Variants in SLC22A4 observed in about 807,000 individuals in gnomAD.
SLC22A4 encodes solute carrier family 22 member 4, also known as ET transporter.
SLC22A4 carries 39 observed loss-of-function variants against 56.6 expected under a neutral mutation model. That is an observed-to-expected ratio of 0.69 (90% confidence interval 0.53 to 0.90). SLC22A4 has a LOEUF of 0.90. Among genes scored for constraint, SLC22A4 ranks in the 40% least tolerant of loss-of-function variants. The pLI is 0.00. For missense variants in SLC22A4, 594 were observed against 696.5 expected (o/e 0.85, Z 1.66); for synonymous variants, 241 against 281.4 (o/e 0.86, Z 1.44).
At chr5:132,334,153 T>C (rs561201073) in intron 6 of SLC22A4, among the ~76,000 whole-genome samples, 1 of 152,202 alleles carries the variant, frequency 6.6e-6, no homozygotes, top group South Asian at 2.1e-4. Context: ...TGACAGAATA[T>C]ACAGACTGCA....
At chr5:132,327,174 ACTAG>A in intron 4 of SLC22A4, 99 bp from the exon 5 acceptor site, 1 of 948,656 alleles carries the variant, frequency 1.1e-6, no homozygotes. Flanking sequence ...AAAAAGACAA[ACTAG>A]AATTTTACAA....
At chr5:132,322,488 G>T in intron 4 of SLC22A4, 133 bp downstream of exon 4, 1 of 862,478 alleles carries the variant, frequency 1.2e-6, no homozygotes, top group East Asian at 2.6e-5. Flanking sequence ...CTTCCAAGCC[G>T]GGAGAGTTTT....
intron 1 of SLC22A4, chr5:132,311,809 T>C: frequency 2.6e-6 from 1 of 380,978 alleles, no homozygotes; most frequent in Middle Eastern, 8.1e-4. Flanking sequence ...GAAGATGCAG[T>C]GCCACCTTTA....
rs1046088163 is a variant in SLC22A4 at position 132,327,541 on chromosome 5, A to C, written c.951+138A>C. ...GGCCTTAGGAACACAATCATGATTA[A>C]ATTCTAAGATAAAATCCACCTTAAA... On this transcript the variant is annotated intron_variant, in intron 5 of 9. Coordinates refer to ENST00000200652, the MANE Select transcript of SLC22A4 (RefSeq NM_003059.3). The C allele has an allele frequency of 2.5e-5, 17 of 686,218 alleles. No homozygotes were observed. The Admixed American group carries it at 4.0e-4, about 16-fold the overall frequency. The allele number at this position is 686,218 out of a possible 1,614,324, so 42.5% of individuals were successfully genotyped here. A position where few individuals can be genotyped will look rare whatever the true frequency, so the allele number is the denominator to read the frequency against.
At position 132,294,513 on chromosome 5, in the gene SLC22A4, C is replaced by T. The variant is rs2126694028; in HGVS notation, c.-104C>T. On this transcript the variant is annotated 5_prime_UTR_variant, in exon 1 of 10. Coordinates refer to ENST00000200652, the MANE Select transcript of SLC22A4 (RefSeq NM_003059.3). This position sits in a 1 kb window ranked among gnomAD's most constrained non-coding sequence, Gnocchi z 5.6. ...AATTTCTAACAGCCTGCCTGTCCCC[C>T]GGGAACGTTCTAACATCCTTGGGGA... 1 of 1,520,736 alleles carries T rather than the reference C, an allele frequency of 6.6e-7. No individual in the cohort carries two copies. The highest frequency in any genetic ancestry group is 1.1e-5 in the South Asian group (1 of 88,068). The allele number at this position is 1,520,736 out of a possible 1,614,324, so 94.2% of individuals were successfully genotyped here.
chr5:132,294,935 C>T lies in SLC22A4; in HGVS notation c.319C>T (p.Gln107Ter). 6.2e-7 allele frequency: 1 copy of T among 1,601,518 alleles called. No homozygotes were observed. The highest frequency in any genetic ancestry group is 8.5e-7 in the Non-Finnish European group (1 of 1,174,670). ...LEPGRDVDLG[Q>*]LEQESCLDGW... ...GCCGGGGCGCGACGTGGACCTGGGGCAGCTGGAGCAGGAGAGCTGCCTGGA... is the reference window on the plus strand; with the variant it reads ...GCCGGGGCGCGACGTGGACCTGGGGTAGCTGGAGCAGGAGAGCTGCCTGGA... Residue 107 changes from glutamine to a stop codon, truncating the protein, a stop_gained, in exon 1 of 10, where the codon CAG becomes TAG. Coordinates refer to ENST00000200652, the MANE Select transcript of SLC22A4 (RefSeq NM_003059.3). LOFTEE classifies it high-confidence loss of function. This position sits in a 1 kb window ranked among gnomAD's most constrained non-coding sequence, Gnocchi z 5.6.
Position 132,344,067 on chromosome 5 carries a change from G to T in SLC22A4, c.*232G>T. 2.1e-6 allele frequency: 1 copy of T among 484,940 alleles called. No individual in the cohort carries two copies. Among genetic ancestry groups the T allele is most frequent in the Non-Finnish European group, 3.7e-6 (1 of 273,712 alleles). The allele number at this position is 484,940 out of a possible 1,614,324, so 30.0% of individuals were successfully genotyped here. On this transcript the variant is annotated 3_prime_UTR_variant, in exon 10 of 10. Coordinates refer to ENST00000200652, the MANE Select transcript of SLC22A4 (RefSeq NM_003059.3). ...CCTTACTCATTAATTCAATGAAATG[G>T]ATTGGTAAGATGTCTTGAAAACATG...
At chr5:132,326,010 T>C (rs1396446465) in intron 4 of SLC22A4, among the ~76,000 whole-genome samples, 1 of 152,262 alleles carries the variant, frequency 6.6e-6, no homozygotes, top group Non-Finnish European at 1.5e-5. Flanking sequence ...CATCTACATG[T>C]AATTAAAAGT....
intron 1 of SLC22A4, among the ~76,000 whole-genome samples, chr5:132,302,904 T>C (rs1749937659): frequency 6.6e-6 from 1 of 152,232 alleles, no homozygotes; most frequent in Admixed American, 6.5e-5. Context: ...CCATCTGTGG[T>C]AGCTTTTCTA....
intron 8 of SLC22A4, 71 bp from the exon 9 acceptor site, chr5:132,340,494 C>G: frequency 3.4e-6 from 5 of 1,451,346 alleles, no homozygotes; most frequent in Non-Finnish European, 4.8e-6. Flanking sequence ...ACCAACTTCA[C>G]AAAATGATGC....
At chr5:132,341,591 T>C (rs1044119076) in intron 9 of SLC22A4, among the ~76,000 whole-genome samples, 3 of 152,052 alleles carry the variant, frequency 2.0e-5, no homozygotes, top group African/African-American at 7.2e-5. Context: ...GGAATAGTTA[T>C]TCAGTAAAAG....
intron 3 of SLC22A4, among the ~76,000 whole-genome samples, chr5:132,318,429 G>A (rs960110378): frequency 2.6e-5 from 4 of 152,102 alleles, no homozygotes; most frequent in African/African-American, 7.2e-5. Flanking sequence ...GGTTCTCCCC[G>A]TGCCAGATGG....
chr5:132,315,455 A>G (rs1750318499), intron 3 of SLC22A4, among the ~76,000 whole-genome samples: 2 of 152,176 alleles, frequency 1.3e-5, no homozygotes, highest in African/African-American at 2.4e-5. Flanking sequence ...TTTTAGTGGC[A>G]CAGGGTGATT....
At chr5:132,312,330 T>C in intron 2 of SLC22A4, 66 bp downstream of exon 2, 1 of 1,006,940 alleles carries the variant, frequency 9.9e-7, no homozygotes, top group Non-Finnish European at 1.6e-6. Context: ...ATCTTGGGGC[T>C]GGACTGAATT....
At chr5:132,321,326 C>T (rs919541840) in intron 3 of SLC22A4, among the ~76,000 whole-genome samples, 2 of 152,310 alleles carry the variant, frequency 1.3e-5, no homozygotes, top group African/African-American at 4.8e-5. Context: ...CAGCTCACTC[C>T]AACTGATTTC....
chr5:132,319,113 C>A (rs746966316), intron 3 of SLC22A4, among the ~76,000 whole-genome samples: 13 of 151,970 alleles, frequency 8.6e-5, no homozygotes, highest in Non-Finnish European at 1.8e-4. Context: ...ACCAGCCTGG[C>A]CAACATGGCA....
At chr5:132,342,188 A>T (rs1375508077) in intron 9 of SLC22A4, among the ~76,000 whole-genome samples, 1 of 152,218 alleles carries the variant, frequency 6.6e-6, no homozygotes, top group Non-Finnish European at 1.5e-5. Flanking sequence ...ATAAGCCAGG[A>T]GAAAATATTT....
intron 8 of SLC22A4, among the ~76,000 whole-genome samples, chr5:132,337,524 G>A (rs1179075083): frequency 2.6e-5 from 4 of 151,034 alleles, no homozygotes; most frequent in Non-Finnish European, 2.9e-5. Flanking sequence ...TGATCCACCC[G>A]CCTCAACCTC....
chr5:132,337,946 T>C (rs1200503201), intron 8 of SLC22A4, among the ~76,000 whole-genome samples: 2 of 150,628 alleles, frequency 1.3e-5, no homozygotes, highest in Admixed American at 6.6e-5. Flanking sequence ...GGTTTCATCA[T>C]ATTGGTCAGG....
Sources: allele counts gnomAD v4.1 joint callset (sites outside exome capture counted in the v4.1 genomes callset), GRCh38; gene constraint gnomAD v4.1.1; non-coding constraint Gnocchi (gnomAD v3.1); transcripts MANE v1.5; gene names NCBI Gene and HGNC (gene_info 2026-07-23, HGNC 2026-07-21).